ABTB2: variants seen among roughly 807,000 people sequenced by gnomAD.
ABTB2 encodes ankyrin repeat and BTB domain containing 2, also known as ankyrin repeat and BTB/POZ domain-containing protein 2.
A neutral mutation model predicts 104.1 loss-of-function variants in ABTB2; 56 were observed. The observed-to-expected ratio is 0.54, with a 90% CI of 0.43 to 0.67. The LOEUF is 0.67. Ranked by LOEUF, ABTB2 falls within the 30% of genes least tolerant of loss-of-function variation. ABTB2 has a pLI of 0.00. For synonymous variants in ABTB2, 606 were observed against 608.2 expected (o/e 1.00, Z 0.05); for missense variants, 1,279 against 1,407.7 (o/e 0.91, Z 1.46).
chr11:34,286,649 C>T (rs1196840145), intron 1 of ABTB2, among the ~76,000 whole-genome samples: 2 of 152,108 alleles, frequency 1.3e-5, no homozygotes, highest in African/African-American at 2.4e-5. Context: ...CGCCAGCACC[C>T]TTCTTCCAGC....
In ABTB2 at chr11:34,357,699, G is replaced by T; in HGVS notation, c.-116C>A. On this transcript the variant is annotated 5_prime_UTR_variant, in exon 1 of 17. Coordinates refer to ENST00000435224, the MANE Select transcript of ABTB2 (RefSeq NM_145804.3). ...CTCCGGGCCACCCTCCTTCCTCTCT[G>T]CGTCGCGGGGCTCGGCGGCCGCATT... The T allele has an allele frequency of 8.7e-7, 1 of 1,149,454 alleles. No individual in the cohort carries two copies. Among genetic ancestry groups the T allele is most frequent in the Non-Finnish European group, 1.1e-6 (1 of 885,274 alleles). The allele number at this position is 1,149,454 out of a possible 1,614,324, so 71.2% of individuals were successfully genotyped here.
chr11:34,199,548 C>A (rs747532993), intron 2 of ABTB2, among the ~76,000 whole-genome samples: 3 of 152,174 alleles, frequency 2.0e-5, no homozygotes, highest in Non-Finnish European at 4.4e-5. Context: ...ACCAGGTGAA[C>A]TGATAGATTG....
At chr11:34,215,351 CA>C (rs1174202925) in intron 1 of ABTB2, among the ~76,000 whole-genome samples, 29 of 152,308 alleles carry the variant, frequency 1.9e-4, no homozygotes, top group Non-Finnish European at 1.5e-5. Context: ...AGGGCACAAA[CA>C]CAAGTCTCTC....
At chr11:34,336,508 T>C (rs1411502014) in intron 1 of ABTB2, among the ~76,000 whole-genome samples, 1 of 152,048 alleles carries the variant, frequency 6.6e-6, no homozygotes, top group Non-Finnish European at 1.5e-5. Flanking sequence ...CTGGGTGTGG[T>C]GACTTGTGCC....
chr11:34,196,716 A>G (rs1853260977), intron 3 of ABTB2, among the ~76,000 whole-genome samples: 1 of 152,182 alleles, frequency 6.6e-6, no homozygotes, highest in African/African-American at 2.4e-5. Flanking sequence ...TAGTGAAAGT[A>G]CCTGACTAGA....
chr11:34,204,921 A>T (rs1052142942), intron 1 of ABTB2, among the ~76,000 whole-genome samples: 5 of 152,074 alleles, frequency 3.3e-5, no homozygotes, highest in Non-Finnish European at 5.9e-5. Context: ...GCACGTGGAG[A>T]CCATCGTTTC....
chr11:34,351,810 T>C (rs1855402197), intron 1 of ABTB2, among the ~76,000 whole-genome samples: 1 of 152,028 alleles, frequency 6.6e-6, no homozygotes, highest in Non-Finnish European at 1.5e-5. Context: ...TGAGGAAACA[T>C]CACAAAGGGG....
chr11:34,221,182 A>G (rs1229391771), intron 1 of ABTB2, among the ~76,000 whole-genome samples: 1 of 152,150 alleles, frequency 6.6e-6, no homozygotes, highest in Non-Finnish European at 1.5e-5. Flanking sequence ...TATGTGGGCC[A>G]GGCTGGTCTC....
chr11:34,183,334 A>T (rs757902397), intron 3 of ABTB2, among the ~76,000 whole-genome samples: 1 of 152,220 alleles, frequency 6.6e-6, no homozygotes, highest in African/African-American at 2.4e-5. Context: ...CCCTGGACTC[A>T]AGCCAACTGC....
intron 1 of ABTB2, among the ~76,000 whole-genome samples, chr11:34,308,300 G>A (rs1267473130): frequency 6.6e-6 from 1 of 152,198 alleles, no homozygotes; most frequent in Non-Finnish European, 1.5e-5. Flanking sequence ...ACAGCCTACT[G>A]ACTGAAAGAA....
chr11:34,232,118 C>G (rs1853776844), intron 1 of ABTB2, among the ~76,000 whole-genome samples: 1 of 152,142 alleles, frequency 6.6e-6, no homozygotes, highest in South Asian at 2.1e-4. Context: ...TATCTGGAAA[C>G]TTTCTGTAAT....
chr11:34,319,604 A>G (rs1854977463), intron 1 of ABTB2, among the ~76,000 whole-genome samples: 1 of 152,216 alleles, frequency 6.6e-6, no homozygotes, highest in Non-Finnish European at 1.5e-5. Context: ...CTGTGTGGTA[A>G]GTTATTTAAC....
intron 16 of ABTB2, among the ~76,000 whole-genome samples, chr11:34,153,030 GAGAC>G (rs951800033): frequency 5.3e-5 from 8 of 152,076 alleles, no homozygotes; most frequent in African/African-American, 1.7e-4. Flanking sequence ...TAGTTTGGGA[GAGAC>G]AGACAGAATC....
chr11:34,349,763 G>A (rs916977386), intron 1 of ABTB2, among the ~76,000 whole-genome samples: 2 of 152,190 alleles, frequency 1.3e-5, no homozygotes, highest in Admixed American at 6.5e-5. Context: ...CTCAACTGGT[G>A]GTGGCTATGA....
chr11:34,206,884 T>G (rs1853414891), intron 1 of ABTB2, among the ~76,000 whole-genome samples: 1 of 152,224 alleles, frequency 6.6e-6, no homozygotes, highest in Non-Finnish European at 1.5e-5. Flanking sequence ...TTGCCTCTCC[T>G]GGATGGCAGC....
intron 1 of ABTB2, among the ~76,000 whole-genome samples, chr11:34,346,118 A>T (rs1022318888): frequency 6.6e-6 from 1 of 151,914 alleles, no homozygotes; most frequent in Admixed American, 6.6e-5. Context: ...ATCCTCAGTT[A>T]CTCTCATTTT....
intron 3 of ABTB2, among the ~76,000 whole-genome samples, chr11:34,174,415 A>T (rs1322607925): frequency 1.3e-5 from 2 of 151,942 alleles, no homozygotes; most frequent in Admixed American, 6.5e-5. Context: ...TCCGAGTATC[A>T]CTAAGAGCCC....
intron 1 of ABTB2, 43 bp from the exon 2 acceptor site, chr11:34,204,733 G>T: frequency 6.3e-7 from 1 of 1,582,812 alleles, no homozygotes; most frequent in Non-Finnish European, 8.6e-7. Context: ...AGGAAGGAGT[G>T]GAAGTTCAGT....
intron 1 of ABTB2, among the ~76,000 whole-genome samples, chr11:34,269,937 T>C (rs563760752): frequency 7.2e-5 from 11 of 152,366 alleles, no homozygotes; most frequent in Admixed American, 1.3e-4. Context: ...CAGTGGACAT[T>C]ATCCCCATTT....
Sources: gnomAD v4.1 joint callset for allele counts (sites outside exome capture counted in the v4.1 genomes callset) on GRCh38, gnomAD v4.1.1 for gene constraint, MANE v1.5 for transcripts, NCBI Gene and HGNC (gene_info 2026-07-23, HGNC 2026-07-21) for gene names.